The following AKAP8 variants were observed in gnomAD, a reference collection of about 807,000 sequenced individuals.
The protein encoded by AKAP8 is A-kinase anchor protein 8.
Under a neutral mutation model 67.5 loss-of-function variants are expected in AKAP8, and 24 were observed. The observed-to-expected ratio is 0.36, with a 90% CI of 0.26 to 0.50. The LOEUF is 0.50. AKAP8 is among the 20% of genes least tolerant of loss of function. AKAP8 has a pLI of 0.97. For synonymous variants in AKAP8, 400 were observed against 371.1 expected, an observed-to-expected ratio of 1.08 and a Z score of -0.90; for missense variants, 971 against 955.9, an observed-to-expected ratio of 1.02 and a Z score of -0.21.
Position 15,369,399 on chromosome 19 carries a change from G to A in AKAP8, c.1072+747C>T, listed in dbSNP as rs1288737528. 1.3e-5 allele frequency among the ~76,000 whole-genome samples: 2 copies of A among 152,226 alleles called. No individual in the cohort carries two copies. Among genetic ancestry groups the A allele is most frequent in the East Asian group, 3.8e-4 (2 of 5,204 alleles). ...GGGCCTTCAGAATGGATGGGAGCAG[G>A]GCCACTGAGGAGCCAGCCTATGATC... On this transcript the variant is annotated intron_variant, in intron 8 of 13. Transcript: ENST00000269701. This position sits in a 1 kb window ranked among gnomAD's most constrained non-coding sequence, Gnocchi z 4.6.
At chr19:15,370,084 G>T in intron 8 of AKAP8, 62 bp downstream of exon 8, 2 of 1,600,296 alleles carry the variant, frequency 1.2e-6, no homozygotes, top group Non-Finnish European at 8.6e-7. Flanking sequence ...CAGAAGCTGG[G>T]CAGTAAGTGC....
chr19:15,361,610 C>T, intron 11 of AKAP8, 119 bp downstream of exon 11: 6 of 830,518 alleles, frequency 7.2e-6, no homozygotes, highest in South Asian at 4.4e-5. Context: ...CCTCAGCCTC[C>T]CAAAGTGCTG....
intron 12 of AKAP8, among the ~76,000 whole-genome samples, chr19:15,359,367 A>C (rs1966927912): frequency 1.3e-5 from 2 of 152,220 alleles, no homozygotes; most frequent in African/African-American, 4.8e-5. Flanking sequence ...GTGGAGGAAA[A>C]GGACAAGCTC....
In AKAP8 at chr19:15,372,884, G is replaced by A. The variant is rs769489883; in HGVS notation, c.828C>T (p.Gly276=). ...GATCCCGCATCCGAGGCTGCGAGCG[G>A]CCACATCCGTAGGGCATGGTGCTGT... is the stretch of plus-strand genomic sequence containing the variant. ...GYDSTMPYGC[G]RSQPRMRDRD... is the part of the protein sequence containing the mutation. The change falls in exon 5 of 14, where the codon GGC becomes GGT. Residue 276 remains glycine (G), a synonymous_variant. Transcript: ENST00000269701. 1.5e-5 allele frequency: 23 copies of A among 1,503,414 alleles called. No individual in the cohort carries two copies. The highest frequency in any genetic ancestry group is 2.0e-5 in the Non-Finnish European group (23 of 1,126,926). The allele number at this position is 1,503,414 out of a possible 1,614,324, so 93.1% of individuals were successfully genotyped here. A position where few individuals can be genotyped will look rare whatever the true frequency, so the allele number is the denominator to read the frequency against.
intron 5 of AKAP8, among the ~76,000 whole-genome samples, 168 bp downstream of exon 5, chr19:15,372,683 G>C (rs576022067): frequency 6.6e-6 from 1 of 152,294 alleles, no homozygotes; most frequent in Non-Finnish European, 1.5e-5. Context: ...TAAATGCTAA[G>C]ATTAGACTGT....
At chr19:15,372,124 C>A in intron 6 of AKAP8, 94 bp downstream of exon 6, 1 of 1,607,058 alleles carries the variant, frequency 6.2e-7, no homozygotes, top group South Asian at 1.1e-5. Flanking sequence ...ATGCCACCTG[C>A]GAGTGTCCAC....
chr19:15,361,087 G>A, intron 11 of AKAP8, 109 bp from the exon 12 acceptor site: 1 of 1,394,188 alleles, frequency 7.2e-7, no homozygotes, highest in Non-Finnish European at 9.7e-7. Flanking sequence ...AATCAGAAGG[G>A]CACAGCCTGC....
At chr19:15,372,027 G>C in intron 6 of AKAP8, 29 bp from the exon 7 acceptor site, 1 of 1,613,874 alleles carries the variant, frequency 6.2e-7, no homozygotes, top group Non-Finnish European at 8.5e-7. Flanking sequence ...GGAAAAGTCA[G>C]TCCCCGGAGA....
Position 15,372,959 on chromosome 19 carries a change from G to T in AKAP8, c.753C>A (p.Ser251=). 6.4e-7 allele frequency: 1 copy of T among 1,556,460 alleles called. No homozygotes were observed. Among genetic ancestry groups the T allele is most frequent in the African/African-American group, 1.4e-5 (1 of 73,358 alleles). Residue 251 remains serine, a synonymous_variant, in exon 5 of 14, where the codon TCC becomes TCA. Coordinates refer to ENST00000269701, the MANE Select transcript of AKAP8 (RefSeq NM_005858.4). ...CCATCACGCCGTAGTCGGGAGCCAT[G>T]GACTGGGAGAAGAGGGACGGAGGTG... ...SRPPPSLFSQ[S]MAPDYGVMGM...
rs775782451 is a variant in AKAP8 at position 15,362,211 on chromosome 19, C to G, written c.1201G>C (p.Asp401His). Residue 401 changes from aspartate to histidine, a missense_variant, in exon 10 of 14, where the codon GAT becomes CAT. Transcript: ENST00000269701. ...ACSVCKFRSFDDEEIQKHLQS... is the reference protein window; with the variant it reads ...ACSVCKFRSFHDEEIQKHLQS... ...AGATGCTTCTGGATCTCTTCGTCATCAAAGCTACGGAACTTGCATACAGAA... is the reference window on the plus strand; with the variant it reads ...AGATGCTTCTGGATCTCTTCGTCATGAAAGCTACGGAACTTGCATACAGAA... 2 of 1,614,082 alleles carry G rather than the reference C, an allele frequency of 1.2e-6. No homozygotes were observed. The highest frequency in any genetic ancestry group is 1.1e-5 in the South Asian group (1 of 91,084).
Position 15,376,222 on chromosome 19 carries a change from T to C in AKAP8, c.58+754A>G, listed in dbSNP as rs182441165. 1.1e-4 allele frequency among the ~76,000 whole-genome samples: 17 copies of C among 152,224 alleles called. No homozygotes were observed. The East Asian group carries it at 3.1e-3, about 28-fold the overall frequency. On this transcript the variant is annotated intron_variant, in intron 2 of 13. Transcript: ENST00000269701. Reference sequence around the variant, plus strand: ...GGCGTGTGCTGCCTCGCCCAGCTAATGAAAGATCTTACTAATGAGGCCAGG... The same window carrying C: ...GGCGTGTGCTGCCTCGCCCAGCTAACGAAAGATCTTACTAATGAGGCCAGG...
chr19:15,362,644 T>C (rs1599559674), intron 9 of AKAP8, among the ~76,000 whole-genome samples: 1 of 150,936 alleles, frequency 6.6e-6, no homozygotes, highest in Non-Finnish European at 1.5e-5. Flanking sequence ...GCAGACGGAG[T>C]CTCGTTCACT....
Position 15,368,297 on chromosome 19 carries a change from A to ATCCTCG in AKAP8, c.1092_1097dup (p.Glu365_Asp366dup), listed in dbSNP as rs760507022. 15 of 1,613,586 alleles carry ATCCTCG rather than the reference A, an allele frequency of 9.3e-6. No homozygotes were observed. In the East Asian group the frequency reaches 1.1e-4, roughly 12 times the overall value. ...TTTGCTTTTCCCTTCTCTTCTTCAC[A>ATCCTCG]TCCTCGTCCTCGTCCTCCTTCTCTC... On this transcript the variant is annotated inframe_insertion, in exon 9 of 14. Coordinates refer to ENST00000269701, the MANE Select transcript of AKAP8 (RefSeq NM_005858.4).
chr19:15,368,205 C>T (rs1366287359), intron 9 of AKAP8, 30 bp downstream of exon 9: 2 of 1,608,262 alleles, frequency 1.2e-6, no homozygotes, highest in Admixed American at 1.7e-5. Flanking sequence ...AGTCCACCTC[C>T]TCCTGTGGGG....
intron 13 of AKAP8, among the ~76,000 whole-genome samples, chr19:15,356,285 G>A (rs1358937976): frequency 6.6e-6 from 1 of 151,696 alleles, no homozygotes; most frequent in Non-Finnish European, 1.5e-5. Flanking sequence ...AGCGCCTGTA[G>A]TCCCAGCTAC....
chr19:15,377,245 T>C (rs1259527242), intron 1 of AKAP8, among the ~76,000 whole-genome samples: 1 of 151,978 alleles, frequency 6.6e-6, no homozygotes. Flanking sequence ...GGCTTGGAAG[T>C]CAGCTCCGCC....
Position 15,361,779 on chromosome 19 carries a change from T to C in AKAP8, c.1346A>G (p.Gln449Arg). ...TGCGGTTTCTTTCTCCATCAATTCC[T>C]GACGCCGCTTCTCAATTTTCTTATT... ...NRNKKIEKRR[Q>R]ELMEKETAKP... The change falls in exon 11 of 14, where the codon CAG becomes CGG. Residue 449 changes from glutamine (Q) to arginine (R), a missense_variant. This residue lies in a region of AKAP8 where 763 missense variants were observed against 745.4 expected (regional missense o/e 1.02). Transcript: ENST00000269701. 1 of 1,614,144 alleles carries C rather than the reference T, an allele frequency of 6.2e-7. No homozygotes were observed. The highest frequency in any genetic ancestry group is 8.5e-7 in the Non-Finnish European group (1 of 1,179,966).
At position 15,362,206 on chromosome 19, in the gene AKAP8, G is replaced by A. The variant is rs746292506; in HGVS notation, c.1206C>T (p.Asp402=). 1.4e-5 allele frequency: 23 copies of A among 1,613,952 alleles called. No individual in the cohort carries two copies. Among genetic ancestry groups the A allele is most frequent in the Admixed American group, 3.3e-5 (2 of 59,970 alleles). Residue 402 remains aspartate (D), a synonymous_variant, in exon 10 of 14, where the codon GAC becomes GAT. Transcript: ENST00000269701. Reference sequence around the variant, plus strand: ...TTTGCAGATGCTTCTGGATCTCTTCGTCATCAAAGCTACGGAACTTGCATA... The same window carrying A: ...TTTGCAGATGCTTCTGGATCTCTTCATCATCAAAGCTACGGAACTTGCATA... ...CSVCKFRSFD[D]EEIQKHLQSK...
At position 15,372,320 on chromosome 19, in the gene AKAP8, C is replaced by T. The variant is rs981491959; in HGVS notation, c.889G>A (p.Gly297Arg). 1.4e-5 allele frequency: 23 copies of T among 1,614,054 alleles called. No individual in the cohort carries two copies. The highest frequency in any genetic ancestry group is 5.3e-5 in the African/African-American group (4 of 74,914). ...CGTTTCCTGCCCGTGCCATCTGGTC[C>T]GAAGCGGTCAAACCCTCTCCTCTTG... ...RPKRRGFDRFGPDGTGRKRKQ... is the reference protein window; with the variant it reads ...RPKRRGFDRFRPDGTGRKRKQ... The change falls in exon 6 of 14, where the codon GGA becomes AGA. Residue 297 changes from glycine to arginine, a missense_variant. Gly to Arg is a moderately radical substitution (Grantham distance 125). Around this residue, in one of 3 missense-constraint regions of AKAP8, gnomAD observed 763 missense variants for 745.4 expected, o/e 1.02. Transcript: ENST00000269701.
Sources: gnomAD v4.1 joint callset for allele counts (sites outside exome capture counted in the v4.1 genomes callset) on GRCh38, gnomAD v4.1.1 for gene constraint, gnomAD v4.1.1 regional missense constraint, Gnocchi (gnomAD v3.1) non-coding constraint, MANE v1.5 for transcripts, NCBI Gene and HGNC (gene_info 2026-07-23, HGNC 2026-07-21) for gene names.